PCSK5: variants seen among roughly 807,000 people sequenced by gnomAD.
PCSK5 encodes proprotein convertase subtilisin/kexin type 5.
A neutral mutation model predicts 233.2 loss-of-function variants in PCSK5; 129 were observed. That is an observed-to-expected ratio of 0.55 (90% CI 0.48 to 0.64). The LOEUF (loss-of-function observed/expected upper bound fraction) is 0.64. Ranked by LOEUF, PCSK5 falls within the 30% of genes least tolerant of loss-of-function variation. PCSK5 has a pLI of 0.00. For synonymous variants in PCSK5, 825 were observed against 879.2 expected (o/e 0.94, Z 1.09); for missense variants, 2,076 against 2,430.1 (o/e 0.85, Z 3.06).
intron 4 of PCSK5, 24 bp downstream of exon 4, chr9:76,023,905 G>T: frequency 1.3e-6 from 2 of 1,568,352 alleles, no homozygotes; most frequent in Non-Finnish European, 1.7e-6. Context: ...GTGGTTAGAA[G>T]GTCTTTCCTT....
chr9:76,183,376 CATG>C lies in PCSK5; in HGVS notation c.2198-1291_2198-1289del, dbSNP rs576380223. Among the ~76,000 whole-genome samples, 370 of 152,296 alleles carry C rather than the reference CATG, an allele frequency of 2.4e-3. 2 individuals are homozygous for C. The highest frequency in any genetic ancestry group is 7.7e-3 in the African/African-American group (320 of 41,562). On this transcript the variant is annotated intron_variant, in intron 16 of 37. Transcript: ENST00000674117. ...CTCTAATGAGTCCATTTATGTACAA[CATG>C]ATGATCACATATGATAATGACTAGT...
chr9:75,993,872 G>A (rs1826880525), intron 3 of PCSK5, among the ~76,000 whole-genome samples: 1 of 152,156 alleles, frequency 6.6e-6, no homozygotes, highest in Admixed American at 6.5e-5. Context: ...GAGACTCAGT[G>A]CCCAGTATTA....
In PCSK5 at chr9:76,354,196, G is replaced by A. The variant is rs771357856; in HGVS notation, c.5231G>A (p.Cys1744Tyr). ...NTSDPPSAQECCDCQDTTDEC... is the reference protein window; with the variant it reads ...NTSDPPSAQEYCDCQDTTDEC... ...TCTGATCCCCCCAGTGCCCAGGAGTGCTGTGACTGCCAGGACACCACGGGT... is the reference window on the plus strand; with the variant it reads ...TCTGATCCCCCCAGTGCCCAGGAGTACTGTGACTGCCAGGACACCACGGGT... The change falls in exon 37 of 38, where the codon TGC (cysteine) becomes TAC (tyrosine). Residue 1744 changes from cysteine (C) to tyrosine (Y), a missense_variant. Coordinates refer to ENST00000674117, the MANE Select transcript of PCSK5 (RefSeq NM_001372043.1). 1.4e-5 allele frequency: 22 copies of A among 1,585,158 alleles called. No individual in the cohort carries two copies. Among genetic ancestry groups the A allele is most frequent in the Non-Finnish European group, 1.9e-5 (22 of 1,166,466 alleles).
chr9:76,201,606 G>T (rs1450832789), intron 20 of PCSK5, among the ~76,000 whole-genome samples: 2 of 152,180 alleles, frequency 1.3e-5, no homozygotes, highest in Non-Finnish European at 1.5e-5. Context: ...GGTCCCAGGT[G>T]CATGTTATTA....
chr9:76,111,217 C>T (rs1398482228), intron 9 of PCSK5, among the ~76,000 whole-genome samples: 1 of 152,204 alleles, frequency 6.6e-6, no homozygotes, highest in Non-Finnish European at 1.5e-5. Context: ...ATATGTGTTG[C>T]AACAAATTCC....
intron 22 of PCSK5, among the ~76,000 whole-genome samples, chr9:76,237,853 TCA>T (rs1373071208): frequency 1.3e-5 from 2 of 152,232 alleles, no homozygotes; most frequent in African/African-American, 4.8e-5. Context: ...AGTGCCATGC[TCA>T]CAGGTAAAAA....
chr9:76,196,691 A>G (rs534137927), intron 20 of PCSK5, among the ~76,000 whole-genome samples: 2 of 152,338 alleles, frequency 1.3e-5, no homozygotes, highest in African/African-American at 4.8e-5. Flanking sequence ...ATCACTTACT[A>G]TGTACTACAC....
At chr9:76,267,948 TATAC>T (rs1030315660) in intron 24 of PCSK5, among the ~76,000 whole-genome samples, 13 of 61,368 alleles carry the variant, frequency 2.1e-4, no homozygotes, top group Non-Finnish European at 3.8e-4. Flanking sequence ...TGCTTATGGG[TATAC>T]ACACACACAC....
intron 24 of PCSK5, among the ~76,000 whole-genome samples, chr9:76,273,564 A>ATAT (rs1564148799): frequency 1.0e-3 from 78 of 74,852 alleles, no homozygotes; most frequent in African/African-American, 3.9e-3. Flanking sequence ...ACAAAATAGT[A>ATAT]ATATATATAT....
At chr9:75,905,375 T>G (rs1826218324) in intron 1 of PCSK5, among the ~76,000 whole-genome samples, 2 of 152,148 alleles carry the variant, frequency 1.3e-5, no homozygotes, top group Non-Finnish European at 2.9e-5. Flanking sequence ...AATAAAAAAT[T>G]AGCAGGGCAT....
At chr9:75,962,019 G>T (rs139080520) in intron 2 of PCSK5, among the ~76,000 whole-genome samples, 2 of 152,194 alleles carry the variant, frequency 1.3e-5, no homozygotes, top group South Asian at 2.1e-4. Context: ...AGAGTACAGG[G>T]TTCCTGTGCG....
chr9:75,933,921 A>G (rs1823930458), intron 2 of PCSK5, among the ~76,000 whole-genome samples: 1 of 152,220 alleles, frequency 6.6e-6, no homozygotes, highest in African/African-American at 2.4e-5. Flanking sequence ...TACAAAATCA[A>G]TGTGAATTTG....
intron 10 of PCSK5, among the ~76,000 whole-genome samples, chr9:76,148,593 A>C (rs144395038): frequency 2.0e-4 from 31 of 152,170 alleles, no homozygotes; most frequent in Admixed American, 1.8e-3. Flanking sequence ...ATCTTTCACA[A>C]AACAACTTCT....
Position 75,891,092 on chromosome 9 carries a change from C to T in PCSK5, c.-90C>T, listed in dbSNP as rs1415188580. 2 of 1,240,580 alleles carry T rather than the reference C, an allele frequency of 1.6e-6. No homozygotes were observed. Among genetic ancestry groups the T allele is most frequent in the Non-Finnish European group, 1.0e-6 (1 of 962,264 alleles). The allele number at this position is 1,240,580 out of a possible 1,614,324, so 76.8% of individuals were successfully genotyped here. A position where few individuals can be genotyped will look rare whatever the true frequency, so the allele number is the denominator to read the frequency against. ...AGCTGCGGCGGCCCGGGGCTGCTCG[C>T]CGGGCGGCGCAGGCCGGAGAAGTTA... On this transcript the variant is annotated 5_prime_UTR_variant, in exon 1 of 38. Transcript: ENST00000674117.
chr9:76,233,888 A>T (rs188856145), intron 22 of PCSK5, among the ~76,000 whole-genome samples: 1 of 152,268 alleles, frequency 6.6e-6, no homozygotes, highest in Non-Finnish European at 1.5e-5. Context: ...GTCAGACATG[A>T]GATAGACAGT....
At chr9:76,284,403 C>G (rs144426942) in intron 24 of PCSK5, among the ~76,000 whole-genome samples, 36 of 152,196 alleles carry the variant, frequency 2.4e-4, no homozygotes, top group African/African-American at 6.5e-4. Flanking sequence ...AGGACAGATA[C>G]CCCGCACACA....
intron 1 of PCSK5, among the ~76,000 whole-genome samples, chr9:75,920,140 AGAGT>A (rs1271134984): frequency 6.6e-6 from 1 of 152,226 alleles, no homozygotes; most frequent in Non-Finnish European, 1.5e-5. Context: ...CCTGAGAGAC[AGAGT>A]GAGACTCCGT....
chr9:75,908,941 G>C (rs28441015), intron 1 of PCSK5, among the ~76,000 whole-genome samples: 5,093 of 113,020 alleles, frequency 0.045, 145 homozygotes, highest in East Asian at 0.079. Flanking sequence ...CTCTCTCTCT[G>C]TCTATCTATC....
chr9:76,326,661 A>G (rs528193436), intron 32 of PCSK5, among the ~76,000 whole-genome samples: 1 of 152,228 alleles, frequency 6.6e-6, no homozygotes, highest in South Asian at 2.1e-4. Flanking sequence ...TAATAATACC[A>G]TGCATGTATC....
Sources: allele counts gnomAD v4.1 joint callset (sites outside exome capture counted in the v4.1 genomes callset), GRCh38; gene constraint gnomAD v4.1.1; transcripts MANE v1.5; gene names NCBI Gene and HGNC (gene_info 2026-07-23, HGNC 2026-07-21).